CTPS2: variants seen among roughly 807,000 people sequenced by gnomAD.
CTPS2 encodes the protein CTP synthase II.
A neutral mutation model predicts 46.8 loss-of-function variants in CTPS2; 19 were observed. That is an observed-to-expected ratio of 0.41 (90% CI 0.28 to 0.60). The LOEUF is 0.60. Ranked by LOEUF, CTPS2 falls within the 20% of genes least tolerant of loss-of-function variation. The pLI, the probability that CTPS2 is intolerant of heterozygous loss-of-function variation, is 0.35. For missense variants in CTPS2, 286 were observed against 447.6 expected (o/e 0.64, Z 3.26); for synonymous variants, 151 against 165.2 (o/e 0.91, Z 0.66).
chrX:16,644,961 A>G (rs148260950), intron 13 of CTPS2, among the ~76,000 whole-genome samples: 7 of 112,196 alleles, frequency 6.2e-5, no homozygotes, highest in African/African-American at 1.9e-4. Context: ...CAAGTACTCA[A>G]TAATGGAATC....
At chrX:16,673,513 G>A (rs769104977) in intron 10 of CTPS2, among the ~76,000 whole-genome samples, 2 of 110,288 alleles carry the variant, frequency 1.8e-5, no homozygotes, top group Admixed American at 2.0e-4. Flanking sequence ...CTTTCTGATT[G>A]ATATTTGGGT....
intron 13 of CTPS2, among the ~76,000 whole-genome samples, chrX:16,658,772 A>T (rs762405427): frequency 8.9e-6 from 1 of 112,237 alleles, no homozygotes; most frequent in East Asian, 2.8e-4. Flanking sequence ...TGTAATAAGA[A>T]TCCCTTACTA....
At chrX:16,614,229 T>C (rs1042573841) in intron 16 of CTPS2, among the ~76,000 whole-genome samples, 22 of 112,269 alleles carry the variant, frequency 2.0e-4, no homozygotes, top group Non-Finnish European at 3.0e-4. Context: ...AAGCTTGCTA[T>C]ACAGTGCACA....
intron 14 of CTPS2, among the ~76,000 whole-genome samples, chrX:16,622,124 G>T (rs1426576310): frequency 9.0e-6 from 1 of 110,815 alleles, no homozygotes; most frequent in South Asian, 3.9e-4. Flanking sequence ...CATCAGGAAG[G>T]CCGGGCGCGG....
intron 10 of CTPS2, among the ~76,000 whole-genome samples, chrX:16,672,324 G>A (rs1432014849): frequency 9.0e-6 from 1 of 111,418 alleles, no homozygotes; most frequent in Admixed American, 9.5e-5. Flanking sequence ...ACCGACAAGC[G>A]GCCACCTGAA....
At chrX:16,695,443 T>C (rs1924045855) in intron 4 of CTPS2, among the ~76,000 whole-genome samples, 1 of 112,600 alleles carries the variant, frequency 8.9e-6, no homozygotes, top group South Asian at 3.6e-4. Flanking sequence ...CCTATAACAA[T>C]ACTTTATGCT....
intron 2 of CTPS2, among the ~76,000 whole-genome samples, chrX:16,701,016 A>G (rs1924509891): frequency 9.0e-6 from 1 of 111,523 alleles, no homozygotes; most frequent in South Asian, 3.8e-4. Context: ...GAACATTCCA[A>G]ACAAACCAGG....
intron 17 of CTPS2, among the ~76,000 whole-genome samples, chrX:16,601,218 G>C (rs1225734626): frequency 1.8e-5 from 2 of 111,324 alleles, no homozygotes; most frequent in Non-Finnish European, 3.8e-5. Context: ...CAAGGGAAAA[G>C]AGTACCTTGC....
At chrX:16,606,283 C>T (rs1929966850) in intron 17 of CTPS2, among the ~76,000 whole-genome samples, 1 of 112,252 alleles carries the variant, frequency 8.9e-6, no homozygotes, top group Non-Finnish European at 1.9e-5. Context: ...GTCAGAAATA[C>T]AGCCCCAACT....
chrX:16,618,401 G>A (rs1021654611), intron 15 of CTPS2, among the ~76,000 whole-genome samples: 3 of 112,088 alleles, frequency 2.7e-5, no homozygotes, highest in Non-Finnish European at 5.6e-5. Flanking sequence ...TTACTGCTAT[G>A]ATCATTCAGA....
At chrX:16,675,199 C>T (rs1922168286) in intron 10 of CTPS2, among the ~76,000 whole-genome samples, 2 of 106,418 alleles carry the variant, frequency 1.9e-5, no homozygotes, top group Admixed American at 1.0e-4. Flanking sequence ...ACCCATGAGG[C>T]GGAGGTTGCA....
intron 17 of CTPS2, among the ~76,000 whole-genome samples, chrX:16,596,625 G>C (rs2147162311): frequency 9.0e-6 from 1 of 110,961 alleles, no homozygotes; most frequent in African/African-American, 3.3e-5. Flanking sequence ...CCAAGTCTTT[G>C]CTACTGTGAA....
intron 9 of CTPS2, among the ~76,000 whole-genome samples, chrX:16,682,258 G>A (rs1002426947): frequency 8.9e-6 from 1 of 112,120 alleles, no homozygotes; most frequent in Non-Finnish European, 1.9e-5. Flanking sequence ...GCCAAGACGG[G>A]CAGATCACCT....
At chrX:16,613,005 G>A (rs1204118645) in intron 16 of CTPS2, among the ~76,000 whole-genome samples, 1 of 112,283 alleles carries the variant, frequency 8.9e-6, no homozygotes, top group East Asian at 2.8e-4. Flanking sequence ...ATGCTACAAC[G>A]TTCAAAGGAG....
chrX:16,639,290 A>G, intron 13 of CTPS2, 47 bp from the exon 14 acceptor site: 1 of 925,255 alleles, frequency 1.1e-6, no homozygotes, highest in Non-Finnish European at 1.6e-6. Context: ...TAAAAATGTC[A>G]TTTCCCAAAT....
chrX:16,609,160 C>T (rs1412694371), intron 17 of CTPS2, among the ~76,000 whole-genome samples: 1 of 111,310 alleles, frequency 9.0e-6, no homozygotes, highest in African/African-American at 3.3e-5. Flanking sequence ...ACATAAAGAG[C>T]TTACCAATCA....
At chrX:16,667,325 G>T (rs1008692141) in intron 13 of CTPS2, among the ~76,000 whole-genome samples, 189 bp downstream of exon 13, 1 of 110,467 alleles carries the variant, frequency 9.1e-6, no homozygotes, top group African/African-American at 3.3e-5. Context: ...TAGAGACAGG[G>T]GTTTCACCAT....
chrX:16,649,361 TTCTGAAGC>T (rs1932486869), intron 13 of CTPS2, among the ~76,000 whole-genome samples: 1 of 112,767 alleles, frequency 8.9e-6, no homozygotes, highest in African/African-American at 3.2e-5. Flanking sequence ...TTAAACCTGC[TTCTGAAGC>T]AATACTTCCA....
intron 15 of CTPS2, 135 bp downstream of exon 15, chrX:16,620,140 CTG>C (rs1930743679): frequency 1.0e-5 from 5 of 480,119 alleles, no homozygotes; most frequent in Admixed American, 1.0e-4. Context: ...AAGTGGGAGA[CTG>C]TGGGAAATTT....
Sources: allele counts gnomAD v4.1 joint callset (sites outside exome capture counted in the v4.1 genomes callset), GRCh38; gene constraint gnomAD v4.1.1; transcripts MANE v1.5; gene names NCBI Gene and HGNC (gene_info 2026-07-23, HGNC 2026-07-21).